Variants in DOP1B observed in about 807,000 individuals in gnomAD.
The protein encoded by DOP1B is DOP1 leucine zipper like protein B, also known as protein DOP1B.
In DOP1B, 174 loss-of-function variants were observed where a neutral mutation model predicts 233.5. The observed-to-expected ratio is 0.75, with a 90% confidence interval of 0.66 to 0.85. DOP1B has a LOEUF of 0.85. Among genes scored for constraint, DOP1B ranks in the 40% least tolerant of loss-of-function variants. The pLI is 0.00. For missense variants in DOP1B, 2,652 were observed against 2,846.6 expected (o/e 0.93, Z 1.56); for synonymous variants, 1,190 against 1,185.6 (o/e 1.00, Z -0.08).
At chr21:36,284,698 CAG>C (rs1392134579) in intron 32 of DOP1B, among the ~76,000 whole-genome samples, 1 of 151,948 alleles carries the variant, frequency 6.6e-6, no homozygotes, top group Non-Finnish European at 1.5e-5. Flanking sequence ...CATTCTGAAA[CAG>C]GGGTGTGGAG....
At chr21:36,176,103 T>TGTGTGTGTGTGTGTGTGTGTGTGC (rs1555886164) in intron 2 of DOP1B, among the ~76,000 whole-genome samples, 5 of 141,920 alleles carry the variant, frequency 3.5e-5, no homozygotes, top group African/African-American at 5.1e-5. Context: ...TGTGCGTGTG[T>TGTGTGTGTGTGTGTGTGTGTGTGC]GTGTGTGTGT....
chr21:36,231,986 C>T (rs1053574578), intron 14 of DOP1B, among the ~76,000 whole-genome samples: 40 of 152,120 alleles, frequency 2.6e-4, no homozygotes, highest in Admixed American at 2.6e-3. Context: ...TCTGGGGTTA[C>T]AGGCACACGC....
intron 15 of DOP1B, among the ~76,000 whole-genome samples, chr21:36,236,301 T>C (rs946140768): frequency 6.6e-6 from 1 of 152,100 alleles, no homozygotes; most frequent in Admixed American, 6.6e-5. Context: ...GCTGGGAAGA[T>C]GGAGGACACG....
chr21:36,290,757 A>G (rs1349241889), intron 35 of DOP1B, among the ~76,000 whole-genome samples: 6 of 150,484 alleles, frequency 4.0e-5, no homozygotes, highest in African/African-American at 1.5e-4. Context: ...GCCATCTGCC[A>G]TTGCACTCCA....
At chr21:36,159,617 G>C (rs2065852654) in intron 1 of DOP1B, among the ~76,000 whole-genome samples, 1 of 152,204 alleles carries the variant, frequency 6.6e-6, no homozygotes, top group African/African-American at 2.4e-5. Context: ...ACACCAAATA[G>C]CACTTTCTTC....
chr21:36,233,036 G>A lies in DOP1B; in HGVS notation c.2583G>A (p.Gly861=). ...QMVTVPPIAP[G]ILKVIAEKTD... ...TGACGGTTCCTCCCATTGCTCCAGGGATATTGAAAGTCATTGCAGAGAAAA... is the reference window on the plus strand; with the variant it reads ...TGACGGTTCCTCCCATTGCTCCAGGAATATTGAAAGTCATTGCAGAGAAAA... Residue 861 remains glycine (G), a synonymous_variant, in exon 15 of 37, where the codon GGG becomes GGA. Coordinates refer to ENST00000691173, the MANE Select transcript of DOP1B (RefSeq NM_001320714.2). 6.2e-7 allele frequency: 1 copy of A among 1,614,022 alleles called. No homozygotes were observed. Among genetic ancestry groups the A allele is most frequent in the Non-Finnish European group, 8.5e-7 (1 of 1,179,978 alleles).
chr21:36,280,275 T>C lies in DOP1B; in HGVS notation c.5970-10T>C. On this transcript the variant is annotated splice_polypyrimidine_tract_variant and intron_variant, in intron 30 of 36. Coordinates refer to ENST00000691173, the MANE Select transcript of DOP1B (RefSeq NM_001320714.2). Reference sequence around the variant, plus strand: ...CAAATTTAATTGATTTTGCTTTCTTTAATATCCAGTTGGAAGTCCATTATT... The same window carrying C: ...CAAATTTAATTGATTTTGCTTTCTTCAATATCCAGTTGGAAGTCCATTATT... 6.3e-7 allele frequency: 1 copy of C among 1,591,834 alleles called. No individual in the cohort carries two copies. Among genetic ancestry groups the C allele is most frequent in the Non-Finnish European group, 8.6e-7 (1 of 1,165,506 alleles).
chr21:36,231,858 T>TG (rs2066769474), intron 14 of DOP1B, among the ~76,000 whole-genome samples: 1 of 149,696 alleles, frequency 6.7e-6, no homozygotes, highest in Admixed American at 6.6e-5. Context: ...TTTTTTTTTT[T>TG]TTTTTTGAGA....
intron 2 of DOP1B, among the ~76,000 whole-genome samples, chr21:36,190,936 G>A (rs2066226604): frequency 1.3e-5 from 2 of 152,308 alleles, no homozygotes; most frequent in South Asian, 4.1e-4. Flanking sequence ...TCCAGTCTTG[G>A]CAGCCCTGGA....
At chr21:36,212,301 A>G (rs796871390) in intron 7 of DOP1B, among the ~76,000 whole-genome samples, 1 of 152,206 alleles carries the variant, frequency 6.6e-6, no homozygotes, top group South Asian at 2.1e-4. Context: ...TTTTTAAAAA[A>G]GGGGAAATAA....
chr21:36,228,368 C>G (rs914243387), intron 13 of DOP1B, among the ~76,000 whole-genome samples: 2 of 151,990 alleles, frequency 1.3e-5, no homozygotes, highest in Admixed American at 6.6e-5. Context: ...GAGGCTGAGG[C>G]TGGAGAATCT....
chr21:36,169,919 C>T, intron 2 of DOP1B: 1 of 772,450 alleles, frequency 1.3e-6, no homozygotes, highest in South Asian at 1.3e-5. Flanking sequence ...CCCGCAATGC[C>T]CACAACCACC....
chr21:36,252,454 T>A (rs201035808), intron 22 of DOP1B, among the ~76,000 whole-genome samples: 1 of 127,556 alleles, frequency 7.8e-6, no homozygotes, highest in Non-Finnish European at 1.6e-5. Flanking sequence ...TGACACTTCA[T>A]GTAAAAAAAA....
intron 8 of DOP1B, 104 bp downstream of exon 8, chr21:36,214,294 C>A (rs1372897901): frequency 7.9e-7 from 1 of 1,271,996 alleles, no homozygotes; most frequent in African/African-American, 1.5e-5. Flanking sequence ...TCCTTGGCCC[C>A]TGGTTTGGGG....
rs528236649 is a variant in DOP1B, at chr21:36,288,140, T to C, written c.6287T>C (p.Val2096Ala). 1 of 1,613,352 alleles carries C rather than the reference T, an allele frequency of 6.2e-7. No homozygotes were observed. Among genetic ancestry groups the C allele is most frequent in the African/African-American group, 1.3e-5 (1 of 74,962 alleles). ...TTGACTTCATTGTGGCCAATAATGG[T>C]CTCTGAATTGGTGAGTACAAGTATT... ...QHLTSLWPIM[V>A]SELIQTFTQL... The change falls in exon 33 of 37, where the codon GTC (valine) becomes GCC (alanine). Residue 2096 changes from valine (V) to alanine (A), a missense_variant. Val to Ala is a moderately conservative substitution (Grantham distance 64). Coordinates refer to ENST00000691173, the MANE Select transcript of DOP1B (RefSeq NM_001320714.2).
intron 24 of DOP1B, chr21:36,261,350 G>A (rs1356736904): frequency 1.0e-6 from 1 of 969,440 alleles, no homozygotes; most frequent in Non-Finnish European, 1.2e-6. Flanking sequence ...GGGTGACAGA[G>A]CAAGGCTCTG....
chr21:36,285,744 G>T (rs1330577293), intron 32 of DOP1B, among the ~76,000 whole-genome samples: 1 of 151,908 alleles, frequency 6.6e-6, no homozygotes, highest in Non-Finnish European at 1.5e-5. Flanking sequence ...TGGGCACAGT[G>T]GCCTGTAATC....
intron 10 of DOP1B, among the ~76,000 whole-genome samples, chr21:36,219,733 G>T (rs538404423): frequency 6.6e-6 from 1 of 152,074 alleles, no homozygotes; most frequent in East Asian, 1.9e-4. Flanking sequence ...GCCTGGGATG[G>T]ACAGGTATTT....
At chr21:36,271,080 A>T (rs1296301929) in intron 27 of DOP1B, among the ~76,000 whole-genome samples, 3 of 151,694 alleles carry the variant, frequency 2.0e-5, no homozygotes, top group Non-Finnish European at 4.4e-5. Context: ...TTTATTTGTC[A>T]GTTATATCTA....
Sources: allele counts gnomAD v4.1 joint callset (sites outside exome capture counted in the v4.1 genomes callset), GRCh38; gene constraint gnomAD v4.1.1; transcripts MANE v1.5; gene names NCBI Gene and HGNC (gene_info 2026-07-23, HGNC 2026-07-21).